DNAH14: variants seen among roughly 807,000 people sequenced by gnomAD.
DNAH14 encodes the protein dynein axonemal heavy chain 14, also known as axonemal beta dynein heavy chain 14.
In DNAH14, 478 loss-of-function variants were observed where a neutral mutation model predicts 520.9. The observed-to-expected ratio is 0.92, with a 90% CI of 0.85 to 0.99. The LOEUF (loss-of-function observed/expected upper bound fraction) is 0.99, where lower values mean the gene tolerates loss of function less well. Ranked by LOEUF, DNAH14 falls within the 50% of genes least tolerant of loss-of-function variation. DNAH14 has a pLI of 0.00. For synonymous variants in DNAH14, 1,581 were observed against 1,757.2 expected, an observed-to-expected ratio of 0.90 and a Z score of 2.51; for missense variants, 4,831 against 5,234.5, an observed-to-expected ratio of 0.92 and a Z score of 2.38.
intron 11 of DNAH14, 166 bp downstream of exon 11, chr1:225,024,031 A>G: frequency 7.5e-7 from 1 of 1,340,928 alleles, no homozygotes; most frequent in Non-Finnish European, 9.5e-7. Flanking sequence ...ATTTGGTAAT[A>G]CCTTACTTAA....
rs540863153 is a variant in DNAH14, at chr1:225,258,696, G to C, written c.7025-425G>C. ...ATACCTTGCCTCTAATTTTGTCTAA[G>C]AAAATACTTATCTTTACTTTAATAC... is the stretch of plus-strand genomic sequence containing the variant. On this transcript the variant is annotated intron_variant, in intron 45 of 85. Transcript: ENST00000682510. 2.7e-3 allele frequency among the ~76,000 whole-genome samples: 416 copies of C among 152,138 alleles called. 1 individual carries two copies. The highest frequency in any genetic ancestry group is 9.8e-3 in the African/African-American group (405 of 41,510).
rs768658174 is a variant in DNAH14 at position 225,272,068 on chromosome 1, T to C, written c.7834T>C (p.Phe2612Leu). 7 of 1,548,246 alleles carry C rather than the reference T, an allele frequency of 4.5e-6. No homozygotes were observed. Among genetic ancestry groups the C allele is most frequent in the East Asian group, 2.5e-5 (1 of 40,758 alleles). Reference protein sequence around the residue: ...CHYMFNLRDMFKLLLGLLQAD... With the variant: ...CHYMFNLRDMLKLLLGLLQAD... The stretch of plus-strand genomic sequence containing the variant: ...CTACATGTTTAATCTTCGAGATATG[T>C]TTAAGGTTTGTTTTAATGTTCATTC... Residue 2612 changes from phenylalanine to leucine, a missense_variant, in exon 51 of 86, where the codon TTT becomes CTT. Phe to Leu is a conservative substitution (Grantham distance 22). Coordinates refer to ENST00000682510, the MANE Select transcript of DNAH14 (RefSeq NM_001367479.1).
intron 36 of DNAH14, among the ~76,000 whole-genome samples, chr1:225,170,452 A>C (rs2149218951): frequency 6.6e-6 from 1 of 152,332 alleles, no homozygotes; most frequent in South Asian, 2.1e-4. Flanking sequence ...AAAACAAAAA[A>C]GGCAGGGGTT....
At chr1:225,153,636 A>G in intron 33 of DNAH14, 114 bp from the exon 34 acceptor site, 1 of 658,080 alleles carries the variant, frequency 1.5e-6, no homozygotes, top group East Asian at 3.0e-5. Context: ...GATTCATGTC[A>G]CTGTTTCCCT....
intron 30 of DNAH14, among the ~76,000 whole-genome samples, chr1:225,145,879 C>T (rs928221665): frequency 2.0e-5 from 3 of 152,158 alleles, no homozygotes; most frequent in African/African-American, 7.2e-5. Flanking sequence ...AAATATGTCT[C>T]TTACAAATCT....
intron 54 of DNAH14, among the ~76,000 whole-genome samples, chr1:225,284,188 G>A (rs1415250413): frequency 6.6e-6 from 1 of 151,456 alleles, no homozygotes; most frequent in Non-Finnish European, 1.5e-5. Flanking sequence ...AAACCAGTAG[G>A]GAATACCAAT....
intron 54 of DNAH14, 54 bp from the exon 55 acceptor site, chr1:225,289,831 T>C: frequency 8.3e-7 from 1 of 1,203,660 alleles, no homozygotes; most frequent in Non-Finnish European, 1.1e-6. Context: ...AAACTATACG[T>C]TGAAAGATTC....
chr1:224,933,795 T>C (rs2058848816), intron 1 of DNAH14, among the ~76,000 whole-genome samples: 1 of 152,102 alleles, frequency 6.6e-6, no homozygotes, highest in Non-Finnish European at 1.5e-5. Flanking sequence ...TGGTGTATTA[T>C]TTTTTTGATG....
chr1:225,170,405 AAAT>A (rs1182140810), intron 36 of DNAH14, among the ~76,000 whole-genome samples: 1 of 152,188 alleles, frequency 6.6e-6, no homozygotes, highest in Non-Finnish European at 1.5e-5. Context: ...CATAGGCTAA[AAAT>A]AAAGGGATGG....
At chr1:225,043,833 T>C in intron 14 of DNAH14, 44 bp downstream of exon 14, 1 of 1,457,586 alleles carries the variant, frequency 6.9e-7, no homozygotes, top group South Asian at 1.3e-5. Flanking sequence ...TTGTATTTTA[T>C]ATGGTAGTTA....
chr1:225,226,297 A>G (rs1435297070), intron 41 of DNAH14, among the ~76,000 whole-genome samples: 1 of 152,090 alleles, frequency 6.6e-6, no homozygotes, highest in Non-Finnish European at 1.5e-5. Flanking sequence ...GTAACACTAT[A>G]TATCGCTCCA....
At chr1:225,128,384 T>C (rs373913822) in intron 27 of DNAH14, among the ~76,000 whole-genome samples, 1,665 of 152,234 alleles carry the variant, frequency 0.011, 16 homozygotes, top group Non-Finnish European at 0.016. Flanking sequence ...TTTAGACCAA[T>C]ATCCTTGATG....
chr1:225,038,910 T>C, intron 12 of DNAH14, 87 bp downstream of exon 12: 1 of 1,216,362 alleles, frequency 8.2e-7, no homozygotes, highest in South Asian at 1.8e-5. Flanking sequence ...TTATGATTAA[T>C]ACCCACAAGC....
chr1:225,044,031 A>G, intron 15 of DNAH14, 48 bp downstream of exon 15: 1 of 1,169,168 alleles, frequency 8.6e-7, no homozygotes, highest in South Asian at 1.5e-5. Context: ...CTTTGGCAAT[A>G]TTTTTTTAAA....
chr1:225,169,816 G>T (rs1251370386), intron 36 of DNAH14, among the ~76,000 whole-genome samples: 2 of 152,280 alleles, frequency 1.3e-5, no homozygotes, highest in African/African-American at 4.8e-5. Flanking sequence ...ACACATAATT[G>T]TCAGATTCAC....
chr1:225,018,320 C>A (rs2065378872), intron 10 of DNAH14, among the ~76,000 whole-genome samples: 1 of 152,116 alleles, frequency 6.6e-6, no homozygotes, highest in Admixed American at 6.6e-5. Context: ...AGATTGCTCA[C>A]TTGAAGCAAT....
At chr1:225,396,934 A>G (rs1429990460) in intron 84 of DNAH14, 3 of 152,252 alleles carry the variant, frequency 2.0e-5, no homozygotes, top group African/African-American at 7.2e-5. Flanking sequence ...CAAATGCAGT[A>G]TAGGAAAATT....
intron 75 of DNAH14, among the ~76,000 whole-genome samples, chr1:225,363,091 AG>A (rs1483503855): frequency 6.6e-6 from 1 of 152,162 alleles, no homozygotes; most frequent in East Asian, 1.9e-4. Context: ...AGAAGTTGCA[AG>A]AACAGTACAA....
At chr1:225,377,518 G>C in intron 79 of DNAH14, 82 bp downstream of exon 79, 1 of 1,365,084 alleles carries the variant, frequency 7.3e-7, no homozygotes. Flanking sequence ...CCAGCACCTT[G>C]GGAGGCTGAG....
Sources: gnomAD v4.1 joint callset for allele counts (sites outside exome capture counted in the v4.1 genomes callset) on GRCh38, gnomAD v4.1.1 for gene constraint, MANE v1.5 for transcripts, NCBI Gene and HGNC (gene_info 2026-07-23, HGNC 2026-07-21) for gene names.